The following CFAP206 variants were observed in gnomAD, a reference collection of about 807,000 sequenced individuals.
CFAP206 encodes cilia- and flagella-associated protein 206.
CFAP206 carries 53 observed loss-of-function variants against 65.4 expected under a neutral mutation model. That is an observed-to-expected ratio of 0.81 (90% CI 0.65 to 1.02). The LOEUF (loss-of-function observed/expected upper bound fraction) is 1.02, where lower values mean the gene tolerates loss of function less well. Among genes scored for constraint, CFAP206 ranks in the 50% least tolerant of loss-of-function variants. The probability of loss-of-function intolerance (pLI) is 0.00; values close to 1 mark genes in which losing one functional copy is unlikely to be tolerated. For synonymous variants in CFAP206, 250 were observed against 254.4 expected (o/e 0.98, Z 0.17); for missense variants, 663 against 753.2 (o/e 0.88, Z 1.40).
At chr6:87,418,034 G>A (rs868063545) in intron 6 of CFAP206, among the ~76,000 whole-genome samples, 174 bp from the exon 7 acceptor site, 4 of 151,838 alleles carry the variant, frequency 2.6e-5, no homozygotes, top group African/African-American at 9.7e-5. Flanking sequence ...CACCACCCCC[G>A]GCCTAGATTT....
chr6:87,425,471 A>G (rs1454506819), intron 7 of CFAP206, among the ~76,000 whole-genome samples: 1 of 152,234 alleles, frequency 6.6e-6, no homozygotes, highest in Non-Finnish European at 1.5e-5. Context: ...GCACAAATAT[A>G]GCTAACATAT....
intron 11 of CFAP206, chr6:87,444,919 A>G: frequency 1.9e-6 from 1 of 535,262 alleles, no homozygotes; most frequent in Non-Finnish European, 3.7e-6. Flanking sequence ...ACCACTTGTA[A>G]GCCTGGGCTG....
At chr6:87,411,663 A>AATCAATCT (rs1343354840) in intron 3 of CFAP206, among the ~76,000 whole-genome samples, 2 of 152,162 alleles carry the variant, frequency 1.3e-5, no homozygotes, top group Non-Finnish European at 2.9e-5. Context: ...TTAAGTCTTT[A>AATCAATCT]ATCAATCTTG....
intron 11 of CFAP206, among the ~76,000 whole-genome samples, chr6:87,438,187 G>T (rs1055879796): frequency 6.6e-6 from 1 of 152,118 alleles, no homozygotes; most frequent in Non-Finnish European, 1.5e-5. Flanking sequence ...TCCTGACCAG[G>T]CGTGGTGGCT....
chr6:87,430,058 G>C (rs1172602566), intron 9 of CFAP206, among the ~76,000 whole-genome samples: 1 of 152,150 alleles, frequency 6.6e-6, no homozygotes, highest in Non-Finnish European at 1.5e-5. Flanking sequence ...CCATACGTCA[G>C]AACTTTTTAT....
At chr6:87,426,428 A>G in intron 7 of CFAP206, 98 bp from the exon 8 acceptor site, 1 of 838,976 alleles carries the variant, frequency 1.2e-6, no homozygotes, top group Non-Finnish European at 1.7e-6. Context: ...CATTGAGCCT[A>G]CTTTCAGAGG....
At chr6:87,420,058 C>G (rs1485243107) in intron 7 of CFAP206, among the ~76,000 whole-genome samples, 3 of 152,022 alleles carry the variant, frequency 2.0e-5, no homozygotes, top group Non-Finnish European at 4.4e-5. Context: ...GCTTGGGTAG[C>G]CAAGGAAGAC....
At chr6:87,432,322 A>C (rs1768173857) in intron 10 of CFAP206, among the ~76,000 whole-genome samples, 1 of 152,110 alleles carries the variant, frequency 6.6e-6, no homozygotes, top group African/African-American at 2.4e-5. Context: ...TTACTGTGGG[A>C]AGTTGAAAGT....
intron 11 of CFAP206, among the ~76,000 whole-genome samples, chr6:87,460,788 TA>T (rs555292689): frequency 1.3e-5 from 2 of 149,942 alleles, no homozygotes; most frequent in East Asian, 1.9e-4. Context: ...AAATAAAAGT[TA>T]AAAAAAAACA....
intron 7 of CFAP206, among the ~76,000 whole-genome samples, chr6:87,421,600 G>C (rs1205740740): frequency 6.6e-6 from 1 of 152,180 alleles, no homozygotes; most frequent in Non-Finnish European, 1.5e-5. Context: ...AAAGAAAAGG[G>C]AGTGATGATC....
At chr6:87,410,872 A>G (rs1423514683) in intron 3 of CFAP206, among the ~76,000 whole-genome samples, 2 of 152,160 alleles carry the variant, frequency 1.3e-5, no homozygotes, top group African/African-American at 4.8e-5. Flanking sequence ...TCCTTGCAAT[A>G]TGGTCATCTG....
intron 9 of CFAP206, among the ~76,000 whole-genome samples, chr6:87,430,766 C>T (rs1024231445): frequency 6.6e-6 from 1 of 152,150 alleles, no homozygotes; most frequent in African/African-American, 2.4e-5. Context: ...AATGGCCTCT[C>T]CTTTCTGTTC....
In CFAP206 at chr6:87,418,326, CCCACT is replaced by C; in HGVS notation, c.752_756del (p.Pro251HisfsTer4). 6.2e-7 allele frequency: 1 copy of C among 1,614,140 alleles called. No homozygotes were observed. The highest frequency in any genetic ancestry group is 1.1e-5 in the South Asian group (1 of 91,076). ...CCATCCTTGAGAAGGCAGCCAACGA[CCCACT>C]CATGAGGGCTGAACTTCAGCCATAT... On this transcript the variant is annotated frameshift_variant, in exon 7 of 13. Coordinates refer to ENST00000369562, the MANE Select transcript of CFAP206 (RefSeq NM_001031743.3). LOFTEE classifies it high-confidence loss of function.
intron 7 of CFAP206, among the ~76,000 whole-genome samples, chr6:87,419,127 T>G (rs1767895441): frequency 6.6e-6 from 1 of 151,664 alleles, no homozygotes; most frequent in Non-Finnish European, 1.5e-5. Context: ...GTTTGTTTTT[T>G]TTTTTGTTTT....
chr6:87,429,873 AT>A (rs1426529606), intron 9 of CFAP206, among the ~76,000 whole-genome samples: 50 of 152,196 alleles, frequency 3.3e-4, no homozygotes, highest in African/African-American at 1.0e-3. Flanking sequence ...AAACTAAAAA[AT>A]ATCCTTTCAG....
intron 4 of CFAP206, among the ~76,000 whole-genome samples, chr6:87,415,215 C>A (rs1416232608): frequency 2.6e-5 from 4 of 151,444 alleles, no homozygotes; most frequent in African/African-American, 9.7e-5. Context: ...TACACGTAAC[C>A]GAAAGGAACA....
chr6:87,421,518 G>A (rs1767941581), intron 7 of CFAP206, among the ~76,000 whole-genome samples: 1 of 152,016 alleles, frequency 6.6e-6, no homozygotes, highest in African/African-American at 2.4e-5. Context: ...ATATAGCCTG[G>A]GTAAGATAGT....
In CFAP206 at chr6:87,435,044, A is replaced by G. The variant is rs1384208021; in HGVS notation, c.1485A>G (p.Pro495=). Residue 495 remains proline, a synonymous_variant, in exon 11 of 13, where the codon CCA becomes CCG. Coordinates refer to ENST00000369562, the MANE Select transcript of CFAP206 (RefSeq NM_001031743.3). Reference sequence around the variant, plus strand: ...ATCAACAGTTTGAAACATTTATTCCATATTCTCAGGTAAGCAGGGTCAATA... The same window carrying G: ...ATCAACAGTTTGAAACATTTATTCCGTATTCTCAGGTAAGCAGGGTCAATA... ...ELHQQFETFI[P]YSQMRDADKH... is the part of the protein sequence containing the mutation. The G allele has an allele frequency of 6.3e-7, 1 of 1,588,164 alleles. No individual in the cohort carries two copies. The highest frequency in any genetic ancestry group is 1.4e-5 in the African/African-American group (1 of 73,890).
chr6:87,456,155 C>T (rs1461143997), intron 11 of CFAP206, among the ~76,000 whole-genome samples: 7 of 152,088 alleles, frequency 4.6e-5, no homozygotes, highest in African/African-American at 1.7e-4. Flanking sequence ...AAAGGTCTTT[C>T]ATTATGACCA....
Sources: allele counts gnomAD v4.1 joint callset (sites outside exome capture counted in the v4.1 genomes callset), GRCh38; gene constraint gnomAD v4.1.1; transcripts MANE v1.5; gene names NCBI Gene and HGNC (gene_info 2026-07-23, HGNC 2026-07-21).